Variants in HECTD4 observed in about 807,000 individuals in gnomAD.
HECTD4 encodes HECT domain E3 ubiquitin protein ligase 4.
In HECTD4, 114 loss-of-function variants were observed where a neutral mutation model predicts 471.5. That is an observed-to-expected ratio of 0.24 (90% confidence interval 0.21 to 0.28). The LOEUF (loss-of-function observed/expected upper bound fraction) is 0.28. Ranked by LOEUF, HECTD4 falls within the 10% of genes least tolerant of loss-of-function variation. HECTD4 has a pLI of 1.00. For synonymous variants in HECTD4, 2,012 were observed against 2,256.0 expected (o/e 0.89, Z 3.07); for missense variants, 3,866 against 5,651.5 (o/e 0.68, Z 10.13).
rs142846588 is a variant in HECTD4, at chr12:112,337,097, G to A, written c.178-17355C>T. On this transcript the variant is annotated intron_variant, in intron 1 of 75. Coordinates refer to ENST00000682272, the MANE Select transcript of HECTD4 (RefSeq NM_001388303.1). ...TCACCTCAATTCACCACTTAGTTTT[G>A]CAGATAGAAACTTTGAGACTCAAAA... is the stretch of plus-strand genomic sequence containing the variant. Among the ~76,000 whole-genome samples, 1,472 of 152,252 alleles carry A rather than the reference G, an allele frequency of 9.7e-3. 86 individuals carry two copies. Among genetic ancestry groups the A allele is most frequent in the Admixed American group, 0.088 (1,348 of 15,282 alleles).
chr12:112,204,706 T>C, intron 52 of HECTD4, 83 bp from the exon 53 acceptor site: 1 of 1,071,964 alleles, frequency 9.3e-7, no homozygotes. Context: ...TAGAGTGAAA[T>C]GATAAGGGAA....
chr12:112,338,189 A>G (rs1194994792), intron 1 of HECTD4, among the ~76,000 whole-genome samples: 1 of 152,186 alleles, frequency 6.6e-6, no homozygotes, highest in African/African-American at 2.4e-5. Flanking sequence ...TTGTGGCCAC[A>G]TAACTTTAAT....
At chr12:112,253,314 A>AG in intron 22 of HECTD4, among the ~76,000 whole-genome samples, 1 of 151,952 alleles carries the variant, frequency 6.6e-6, no homozygotes, top group East Asian at 1.9e-4. Context: ...TAGTAGAGAC[A>AG]GGGTTTCATC....
chr12:112,187,269 C>T (rs1221465096), intron 60 of HECTD4, among the ~76,000 whole-genome samples: 5 of 152,242 alleles, frequency 3.3e-5, no homozygotes, highest in African/African-American at 4.8e-5. Flanking sequence ...AGCCACTGCG[C>T]CTGGCCGGCT....
chr12:112,209,899 T>C, intron 50 of HECTD4, 116 bp downstream of exon 50: 1 of 840,938 alleles, frequency 1.2e-6, no homozygotes, highest in Non-Finnish European at 1.9e-6. Flanking sequence ...AATGGGCACG[T>C]GAGTTTGCAA....
intron 70 of HECTD4, 61 bp from the exon 71 acceptor site, chr12:112,167,978 C>G (rs1298933749): frequency 2.3e-6 from 3 of 1,302,756 alleles, no homozygotes; most frequent in Non-Finnish European, 3.3e-6. Flanking sequence ...GACACCGTTC[C>G]CTCCCTCTCA....
At chr12:112,354,070 T>C (rs2036290994) in intron 1 of HECTD4, among the ~76,000 whole-genome samples, 1 of 151,996 alleles carries the variant, frequency 6.6e-6, no homozygotes, top group Non-Finnish European at 1.5e-5. Context: ...TAGATTTTTA[T>C]TTTTTATTTT....
chr12:112,203,095 T>C (rs900102501), intron 54 of HECTD4: 2 of 152,368 alleles, frequency 1.3e-5, no homozygotes, highest in African/African-American at 4.8e-5. Flanking sequence ...GGACTACAGA[T>C]ATGCCCACCA....
Position 112,235,390 on chromosome 12 carries a change from CTCCCT to C in HECTD4, c.5725+109_5725+113del. ...TCCCCCTTCTCTATTCCTGTCCCCG[CTCCCT>C]TCTCTGTCACTCACTCTTTCATCAT... On this transcript the variant is annotated intron_variant, in intron 36 of 75. Coordinates refer to ENST00000682272, the MANE Select transcript of HECTD4 (RefSeq NM_001388303.1). This position sits in a 1 kb window ranked among gnomAD's most constrained non-coding sequence, Gnocchi z 5.0. The C allele has an allele frequency of 6.7e-6, 10 of 1,482,772 alleles. No individual in the cohort carries two copies. The Middle Eastern group carries it at 5.8e-4, about 86-fold the overall frequency. 91.9% of individuals were successfully genotyped at this position (1,482,772 alleles called of 1,614,324 possible). A position where few individuals can be genotyped will look rare whatever the true frequency, so the allele number is the denominator to read the frequency against.
chr12:112,233,644 G>A (rs144773988), intron 37 of HECTD4, among the ~76,000 whole-genome samples: 2,118 of 152,118 alleles, frequency 0.014, 48 homozygotes, highest in South Asian at 0.041. Flanking sequence ...GAGTTGTAAG[G>A]GTATCTAGAA....
At chr12:112,298,387 G>C (rs2035088892) in intron 7 of HECTD4, among the ~76,000 whole-genome samples, 3 of 151,910 alleles carry the variant, frequency 2.0e-5, no homozygotes, top group Admixed American at 2.0e-4. Flanking sequence ...ACAGTGTTCT[G>C]AGCTTAGCTT....
chr12:112,274,974 C>T lies in HECTD4; in HGVS notation c.1688-14G>A. 1 of 1,434,852 alleles carries T rather than the reference C, an allele frequency of 7.0e-7. No individual in the cohort carries two copies. Among genetic ancestry groups the T allele is most frequent in the Middle Eastern group, 1.7e-4 (1 of 5,754 alleles). The allele number at this position is 1,434,852 out of a possible 1,614,324, so 88.9% of individuals were successfully genotyped here. A position where few individuals can be genotyped will look rare whatever the true frequency, so the allele number is the denominator to read the frequency against. ...TGGAGGCTAGGACTTTGGAAACAAA[C>T]ATTAAGCTGTTTAATGAGCCTGAAG... is the stretch of plus-strand genomic sequence containing the variant. On this transcript the variant is annotated splice_polypyrimidine_tract_variant and intron_variant, in intron 9 of 75. Coordinates refer to ENST00000682272, the MANE Select transcript of HECTD4 (RefSeq NM_001388303.1).
At chr12:112,363,096 A>G (rs2036486558) in intron 1 of HECTD4, among the ~76,000 whole-genome samples, 1 of 152,188 alleles carries the variant, frequency 6.6e-6, no homozygotes, top group Non-Finnish European at 1.5e-5. Flanking sequence ...TTTTAAATAA[A>G]TTATAATCAA....
intron 10 of HECTD4, 32 bp from the exon 11 acceptor site, chr12:112,273,827 A>G: frequency 6.2e-7 from 1 of 1,609,134 alleles, no homozygotes; most frequent in East Asian, 2.2e-5. Context: ...TTCAGTCACC[A>G]TGCCACCAGC....
chr12:112,305,311 A>T (rs1471133140), intron 7 of HECTD4, among the ~76,000 whole-genome samples: 1 of 151,988 alleles, frequency 6.6e-6, no homozygotes, highest in Non-Finnish European at 1.5e-5. Flanking sequence ...TCTTGCCCCA[A>T]GCCCTCCTCC....
chr12:112,229,805 T>C lies in HECTD4; in HGVS notation c.6412A>G (p.Ser2138Gly). The C allele has an allele frequency of 6.2e-7, 1 of 1,614,052 alleles. No individual in the cohort carries two copies. Residue 2138 changes from serine (S) to glycine (G), a missense_variant, in exon 41 of 76, where the codon AGT (serine) becomes GGT (glycine). Ser to Gly is a moderately conservative substitution (Grantham distance 56). Around this residue, in one of 16 missense-constraint regions of HECTD4, gnomAD observed 617 missense variants for 915.1 expected, o/e 0.67. Coordinates refer to ENST00000682272, the MANE Select transcript of HECTD4 (RefSeq NM_001388303.1). ...TGAAGTTTGGCAAGTTTCCTGCCAC[T>C]GCTGCTGCCATTTTCCAGAATGCTT... ...AESILENGSS[S>G]GRKLAKLQRI...
chr12:112,196,298 G>A (rs973492433), intron 55 of HECTD4, among the ~76,000 whole-genome samples: 1 of 152,214 alleles, frequency 6.6e-6, no homozygotes, highest in Non-Finnish European at 1.5e-5. Context: ...CTTGATGAGT[G>A]TATGTGTGAA....
chr12:112,382,298 C>G lies in HECTD4; in HGVS notation c.-170G>C, dbSNP rs902538453. ...CCTAGGCGGTCCGAGTCGCCATACC[C>G]CCGACCCCGGCCCGGGAGACCCCGG... On this transcript the variant is annotated 5_prime_UTR_variant, in exon 1 of 76. Coordinates refer to ENST00000682272, the MANE Select transcript of HECTD4 (RefSeq NM_001388303.1). The G allele has an allele frequency of 3.8e-6, 2 of 520,788 alleles. No homozygotes were observed. Among genetic ancestry groups the G allele is most frequent in the African/African-American group, 4.2e-5 (2 of 47,510 alleles). 32.3% of individuals were successfully genotyped at this position (520,788 alleles called of 1,614,324 possible).
At chr12:112,342,433 G>T (rs1298675245) in intron 1 of HECTD4, among the ~76,000 whole-genome samples, 1 of 151,974 alleles carries the variant, frequency 6.6e-6, no homozygotes, top group Non-Finnish European at 1.5e-5. Flanking sequence ...CTCCAGCCTG[G>T]GTGACAGAGT....
Sources: allele counts gnomAD v4.1 joint callset (sites outside exome capture counted in the v4.1 genomes callset), GRCh38; gene constraint gnomAD v4.1.1; regional missense constraint gnomAD v4.1.1; non-coding constraint Gnocchi (gnomAD v3.1); transcripts MANE v1.5; gene names NCBI Gene and HGNC (gene_info 2026-07-23, HGNC 2026-07-21).